AASDH: variants seen among roughly 807,000 people sequenced by gnomAD.
The protein encoded by AASDH is beta-alanine-activating enzyme.
In AASDH, 81 loss-of-function variants were observed where a neutral mutation model predicts 102.3. That is an observed-to-expected ratio of 0.79 (90% CI 0.66 to 0.95). The LOEUF is 0.95. AASDH is among the 40% of genes least tolerant of loss of function. The probability of loss-of-function intolerance (pLI) is 0.00; values close to 1 mark genes in which losing one functional copy is unlikely to be tolerated. For missense variants in AASDH, 1,203 were observed against 1,266.2 expected, an observed-to-expected ratio of 0.95 and a Z score of 0.76; for synonymous variants, 398 against 454.0, an observed-to-expected ratio of 0.88 and a Z score of 1.57.
At chr4:56,345,009 T>C (rs1174348446) in intron 12 of AASDH, 118 bp downstream of exon 12, 1 of 1,005,218 alleles carries the variant, frequency 9.9e-7, no homozygotes, top group Non-Finnish European at 1.4e-6. Flanking sequence ...TGTCACAATC[T>C]TGGCTCACTG....
chr4:56,344,990 G>A, intron 12 of AASDH, 137 bp downstream of exon 12: 6 of 708,952 alleles, frequency 8.5e-6, no homozygotes, highest in Non-Finnish European at 1.3e-5. Context: ...CACCCAGGGT[G>A]GAATACACTG....
At chr4:56,358,636 C>T (rs535919584) in intron 5 of AASDH, among the ~76,000 whole-genome samples, 18 of 151,904 alleles carry the variant, frequency 1.2e-4, no homozygotes, top group African/African-American at 2.9e-4. Flanking sequence ...TTATTCTTTA[C>T]GTAGTATACA....
intron 3 of AASDH, among the ~76,000 whole-genome samples, chr4:56,378,929 G>C (rs971005498): frequency 2.6e-5 from 4 of 151,574 alleles, no homozygotes; most frequent in Non-Finnish European, 4.4e-5. Context: ...TGTCATCCAG[G>C]CTGGAGTGCA....
At position 56,371,567 on chromosome 4, in the gene AASDH, T is replaced by C; in HGVS notation, c.745A>G (p.Ile249Val). 6.2e-7 allele frequency: 1 copy of C among 1,613,424 alleles called. No individual in the cohort carries two copies. The highest frequency in any genetic ancestry group is 8.5e-7 in the Non-Finnish European group (1 of 1,179,906). Residue 249 changes from isoleucine (I) to valine (V), a missense_variant, in exon 5 of 15, where the codon ATA (isoleucine) becomes GTA (valine). By Grantham distance (29) the Ile-to-Val change is conservative (BLOSUM62 3). Coordinates refer to ENST00000205214, the MANE Select transcript of AASDH (RefSeq NM_181806.4). Reference sequence around the variant, plus strand: ...GCACCACTTGATAGAGCAAGAAATATTTCCACAACAGAAGGATCGAAGGTC... The same window carrying C: ...GCACCACTTGATAGAGCAAGAAATACTTCCACAACAGAAGGATCGAAGGTC... Reference protein sequence around the residue: ...PLTFDPSVVEIFLALSSGASL... With the variant: ...PLTFDPSVVEVFLALSSGASL...
rs551191236 is a variant in AASDH, at chr4:56,363,499, G to A, written c.861+7952C>T. ...GTAGGGGCGGACTGACACTTCACACGGCTGGGTACTCCTCTGAGACAAAAC... is the reference window on the plus strand; with the variant it reads ...GTAGGGGCGGACTGACACTTCACACAGCTGGGTACTCCTCTGAGACAAAAC... On this transcript the variant is annotated intron_variant, in intron 5 of 14. Coordinates refer to ENST00000205214, the MANE Select transcript of AASDH (RefSeq NM_181806.4). Among the ~76,000 whole-genome samples, 397 of 152,308 alleles carry A rather than the reference G, an allele frequency of 2.6e-3. 4 individuals are homozygous for A. The highest frequency in any genetic ancestry group is 8.9e-3 in the African/African-American group (371 of 41,564).
At chr4:56,351,999 T>C (rs1399093258) in intron 9 of AASDH, among the ~76,000 whole-genome samples, 1 of 151,192 alleles carries the variant, frequency 6.6e-6, no homozygotes, top group Non-Finnish European at 1.5e-5. Flanking sequence ...GTTAAGGAAA[T>C]AGTTCCATTA....
intron 5 of AASDH, among the ~76,000 whole-genome samples, chr4:56,366,441 C>G (rs1264921728): frequency 1.3e-5 from 2 of 152,188 alleles, no homozygotes; most frequent in African/African-American, 4.8e-5. Flanking sequence ...AGACCAATAT[C>G]CTTGATGAAC....
chr4:56,345,350 TAGCC>T, intron 11 of AASDH, 60 bp from the exon 12 acceptor site: 1 of 1,500,364 alleles, frequency 6.7e-7, no homozygotes, highest in South Asian at 1.2e-5. Context: ...AATAATTCTT[TAGCC>T]TACAGCATGC....
At chr4:56,381,772 T>C (rs1046901918) in intron 3 of AASDH, 1 of 152,044 alleles carries the variant, frequency 6.6e-6, no homozygotes, top group Non-Finnish European at 1.5e-5. Flanking sequence ...ATTGAATATA[T>C]TTTTATAATG....
At chr4:56,381,941 A>C (rs1264698631) in intron 3 of AASDH, 1 of 152,076 alleles carries the variant, frequency 6.6e-6, no homozygotes, top group Non-Finnish European at 1.5e-5. Flanking sequence ...AAAACAATAA[A>C]TTTACTTTTC....
Position 56,384,359 on chromosome 4 carries a change from T to C in AASDH, c.-42-18A>G. The stretch of plus-strand genomic sequence containing the variant: ...ACAGAACCCTGTGTATATACAGAAG[T>C]GTTAGGGGGAGAGGGAGTTTTAGAG... On this transcript the variant is annotated intron_variant, in intron 1 of 14. Transcript: ENST00000205214. The C allele has an allele frequency of 3.3e-6, 5 of 1,493,784 alleles. No individual in the cohort carries two copies. The highest frequency in any genetic ancestry group is 9.3e-7 in the Non-Finnish European group (1 of 1,076,604). The allele number at this position is 1,493,784 out of a possible 1,614,324, so 92.5% of individuals were successfully genotyped here.
rs200919982 is a variant in AASDH at position 56,349,313 on chromosome 4, C to T, written c.2438G>A (p.Arg813Gln). The change falls in exon 11 of 15, where the codon CGA becomes CAA. Residue 813 changes from arginine to glutamine, a missense_variant. Arg to Gln is a conservative substitution (Grantham distance 43). Transcript: ENST00000205214. ...KVKWEQILGD[R>Q]IESSACVSKC... is the part of the protein sequence containing the mutation. Reference sequence around the variant, plus strand: ...AGATACACATGCTGAGGATTCAATTCGATCTCCCAAAATCTGTTCCCATTT... The same window carrying T: ...AGATACACATGCTGAGGATTCAATTTGATCTCCCAAAATCTGTTCCCATTT... 6 of 1,614,050 alleles carry T rather than the reference C, an allele frequency of 3.7e-6. No individual in the cohort carries two copies. Among genetic ancestry groups the T allele is most frequent in the Admixed American group, 1.7e-5 (1 of 60,004 alleles).
chr4:56,377,761 C>A (rs953162011), intron 4 of AASDH, among the ~76,000 whole-genome samples: 3 of 152,088 alleles, frequency 2.0e-5, no homozygotes, highest in Non-Finnish European at 4.4e-5. Flanking sequence ...AGTTATAAAA[C>A]CAAACGTTTT....
At chr4:56,354,252 GA>G in intron 7 of AASDH, 41 bp from the exon 8 acceptor site, 1 of 1,466,124 alleles carries the variant, frequency 6.8e-7, no homozygotes, top group Admixed American at 2.4e-5. Flanking sequence ...AAATCCAAGG[GA>G]AATATATTAA....
chr4:56,356,512 A>T (rs1044887434), intron 5 of AASDH: 14 of 1,103,986 alleles, frequency 1.3e-5, no homozygotes, highest in Non-Finnish European at 1.9e-5. Context: ...GGCAAAGGGG[A>T]TGTCCCCAGT....
Position 56,338,802 on chromosome 4 carries a change from T to A in AASDH, c.2908-11A>T. On this transcript the variant is annotated splice_polypyrimidine_tract_variant and intron_variant, in intron 14 of 14. Coordinates refer to ENST00000205214, the MANE Select transcript of AASDH (RefSeq NM_181806.4). ...AGAGAACTGCCAAACCTATAACAAG[T>A]AATAAAAATAAATATAATTCATTCA... The A allele has an allele frequency of 6.2e-7, 1 of 1,606,896 alleles. No homozygotes were observed. Among genetic ancestry groups the A allele is most frequent in the East Asian group, 2.2e-5 (1 of 44,714 alleles).
chr4:56,358,901 G>T (rs996383482), intron 5 of AASDH, among the ~76,000 whole-genome samples: 1 of 152,084 alleles, frequency 6.6e-6, no homozygotes, highest in African/African-American at 2.4e-5. Context: ...ATTGAAAGTG[G>T]GGTATTACAA....
rs1295507453 is a variant in AASDH, at chr4:56,343,697, AAAC to A, written c.2653-16_2653-14del. ...CACACTTCTTTCTCTGCAAATAAGA[AAAC>A]AAATTAATTTGTTCTTGTTGATGGT... On this transcript the variant is annotated splice_polypyrimidine_tract_variant and intron_variant, in intron 12 of 14. Transcript: ENST00000205214. 1 of 1,601,478 alleles carries A rather than the reference AAAC, an allele frequency of 6.2e-7. No individual in the cohort carries two copies. Among genetic ancestry groups the A allele is most frequent in the Admixed American group, 1.7e-5 (1 of 58,452 alleles).
chr4:56,358,305 T>G (rs543987322), intron 5 of AASDH, among the ~76,000 whole-genome samples: 1 of 151,852 alleles, frequency 6.6e-6, no homozygotes, highest in South Asian at 2.1e-4. Context: ...TATAAAGAGT[T>G]GTACTTCCTC....
Sources: gnomAD v4.1 joint callset for allele counts (sites outside exome capture counted in the v4.1 genomes callset) on GRCh38, gnomAD v4.1.1 for gene constraint, MANE v1.5 for transcripts, NCBI Gene and HGNC (gene_info 2026-07-23, HGNC 2026-07-21) for gene names.